Variants in CTDSPL observed in about 807,000 individuals in gnomAD.
CTDSPL encodes the protein CTD small phosphatase-like protein.
Under a neutral mutation model 30.5 loss-of-function variants are expected in CTDSPL, and 8 were observed. The observed-to-expected ratio is 0.26, with a 90% confidence interval of 0.15 to 0.47. The LOEUF (loss-of-function observed/expected upper bound fraction) is 0.47. Ranked by LOEUF, CTDSPL falls within the 20% of genes least tolerant of loss-of-function variation. CTDSPL has a pLI of 0.99. For missense variants in CTDSPL, 248 were observed against 366.1 expected (o/e 0.68, Z 2.63); for synonymous variants, 110 against 137.9 (o/e 0.80, Z 1.42).
In CTDSPL at chr3:37,982,265, G is replaced by A; in HGVS notation, c.*1398G>A. 1 of 329,880 alleles carries A rather than the reference G, an allele frequency of 3.0e-6. No individual in the cohort carries two copies. The highest frequency in any genetic ancestry group is 4.2e-5 in the Admixed American group (1 of 23,656). The allele number at this position is 329,880 out of a possible 1,614,324, so 20.4% of individuals were successfully genotyped here. A position where few individuals can be genotyped will look rare whatever the true frequency, so the allele number is the denominator to read the frequency against. On this transcript the variant is annotated 3_prime_UTR_variant, in exon 8 of 8. Coordinates refer to ENST00000273179, the MANE Select transcript of CTDSPL (RefSeq NM_001008392.2). ...AAGGGTTGGGGAAGCCTGTCTAGATGTGGGACTCATTGCCCCAAACCAGGG... is the reference window on the plus strand; with the variant it reads ...AAGGGTTGGGGAAGCCTGTCTAGATATGGGACTCATTGCCCCAAACCAGGG...
At chr3:37,900,856 T>C (rs1401857109) in intron 1 of CTDSPL, among the ~76,000 whole-genome samples, 6 of 152,198 alleles carry the variant, frequency 3.9e-5, no homozygotes, top group Admixed American at 3.9e-4. Flanking sequence ...TGGAGTGCAG[T>C]GGCACAATCT....
Position 37,927,634 on chromosome 3 carries a change from A to ATGTGTGTG in CTDSPL, c.80-19422_80-19421insGTGTGTGT, listed in dbSNP as rs1431482375. 6.4e-5 allele frequency among the ~76,000 whole-genome samples: 5 copies of ATGTGTGTG among 78,432 alleles called. No homozygotes were observed. The South Asian group carries it at 1.4e-3, about 21-fold the overall frequency. 51.5% of individuals were successfully genotyped at this position (78,432 alleles called of 152,430 possible). A position where few individuals can be genotyped will look rare whatever the true frequency, so the allele number is the denominator to read the frequency against. On this transcript the variant is annotated intron_variant, in intron 1 of 7. Transcript: ENST00000273179. The stretch of plus-strand genomic sequence containing the variant: ...GTTTAATTGTGGTTAAAAGAAAAAT[A>ATGTGTGTG]TATGTGTGTGTGTGTGTGTGTGTGT...
At chr3:37,977,713 C>A (rs1417085167) in intron 7 of CTDSPL, among the ~76,000 whole-genome samples, 4 of 150,860 alleles carry the variant, frequency 2.7e-5, no homozygotes, top group African/African-American at 7.4e-5. Flanking sequence ...CATGGCAAGA[C>A]CCCATCTCTT....
At chr3:37,883,348 T>C (rs999870716) in intron 1 of CTDSPL, among the ~76,000 whole-genome samples, 2 of 152,192 alleles carry the variant, frequency 1.3e-5, no homozygotes, top group Admixed American at 6.5e-5. Flanking sequence ...AGTGTAGGAA[T>C]TTTTAACCTG....
chr3:37,967,782 T>C, intron 4 of CTDSPL, 44 bp from the exon 5 acceptor site: 5 of 1,422,290 alleles, frequency 3.5e-6, no homozygotes, highest in Non-Finnish European at 4.8e-6. Flanking sequence ...CCAGAGTTTT[T>C]TTGTTCCTTC....
chr3:37,967,906 A>C, intron 5 of CTDSPL, 24 bp downstream of exon 5: 1 of 1,532,622 alleles, frequency 6.5e-7, no homozygotes, highest in Non-Finnish European at 8.8e-7. Context: ...GCTAAATTTG[A>C]GTTTCAATTA....
chr3:37,879,821 ATACCTT>A (rs1698181058), intron 1 of CTDSPL, among the ~76,000 whole-genome samples: 1 of 152,202 alleles, frequency 6.6e-6, no homozygotes, highest in South Asian at 2.1e-4. Context: ...ATGGTAGTGA[ATACCTT>A]ATAGGGTTAA....
chr3:37,942,298 C>T (rs1199435117), intron 1 of CTDSPL, among the ~76,000 whole-genome samples: 1 of 150,482 alleles, frequency 6.6e-6, no homozygotes, highest in Non-Finnish European at 1.5e-5. Flanking sequence ...CTGGAGAACC[C>T]TCACTCATTT....
rs1165962055 is a variant in CTDSPL at position 37,862,004 on chromosome 3, CCAG to C, written c.-194_-192del. 6.8e-6 allele frequency: 1 copy of C among 146,060 alleles called. No individual in the cohort carries two copies. Among genetic ancestry groups the C allele is most frequent in the East Asian group, 2.1e-4 (1 of 4,842 alleles). The allele number at this position is 146,060 out of a possible 1,614,324, so 9.0% of individuals were successfully genotyped here. ...GTGACGAGGCGGCGGCCGCTCGAGC[CCAG>C]CGGCGGCGGCGGCGGGAGCTGGGGC... On this transcript the variant is annotated 5_prime_UTR_variant, in exon 1 of 8. Coordinates refer to ENST00000273179, the MANE Select transcript of CTDSPL (RefSeq NM_001008392.2). This position sits in a 1 kb window ranked among gnomAD's most constrained non-coding sequence, Gnocchi z 4.3.
At chr3:37,885,487 C>T (rs1399258385) in intron 1 of CTDSPL, among the ~76,000 whole-genome samples, 3 of 152,112 alleles carry the variant, frequency 2.0e-5, no homozygotes, top group African/African-American at 4.8e-5. Flanking sequence ...AAGTTGACTC[C>T]TCAGGGAAGG....
chr3:37,871,720 T>A (rs1698073215), intron 1 of CTDSPL, among the ~76,000 whole-genome samples: 1 of 152,216 alleles, frequency 6.6e-6, no homozygotes, highest in Admixed American at 6.5e-5. Context: ...GCTCTTTCTC[T>A]TCTCCTTCTG....
At chr3:37,908,636 C>A (rs1046999471) in intron 1 of CTDSPL, among the ~76,000 whole-genome samples, 3 of 152,140 alleles carry the variant, frequency 2.0e-5, no homozygotes, top group African/African-American at 7.2e-5. Context: ...TTAAATTAAT[C>A]CCTGACGATA....
intron 7 of CTDSPL, among the ~76,000 whole-genome samples, chr3:37,980,513 C>T (rs975173662): frequency 1.3e-5 from 2 of 152,222 alleles, no homozygotes; most frequent in Admixed American, 6.5e-5. Flanking sequence ...GGCAAATGCA[C>T]ACAAACTGGG....
chr3:37,966,209 A>G (rs1575321330), intron 4 of CTDSPL, among the ~76,000 whole-genome samples: 1 of 152,204 alleles, frequency 6.6e-6, no homozygotes, highest in Non-Finnish European at 1.5e-5. Flanking sequence ...TGATGCCACA[A>G]GCTAATGTGA....
rs1352505821 is a variant in CTDSPL at position 37,983,342 on chromosome 3, A to G, written c.*2475A>G. ...ATTTTTAATCATCTACATGTAAATGAAGCAATAGAATTCTAACATAAGGCC... is the reference window on the plus strand; with the variant it reads ...ATTTTTAATCATCTACATGTAAATGGAGCAATAGAATTCTAACATAAGGCC... On this transcript the variant is annotated 3_prime_UTR_variant, in exon 8 of 8. Transcript: ENST00000273179. 1 of 152,636 alleles carries G rather than the reference A, an allele frequency of 6.6e-6. No individual in the cohort carries two copies. Among genetic ancestry groups the G allele is most frequent in the Non-Finnish European group, 1.5e-5 (1 of 68,040 alleles). The allele number at this position is 152,636 out of a possible 1,614,324, so 9.5% of individuals were successfully genotyped here. A position where few individuals can be genotyped will look rare whatever the true frequency, so the allele number is the denominator to read the frequency against.
intron 1 of CTDSPL, among the ~76,000 whole-genome samples, chr3:37,863,716 G>A (rs1179205870): frequency 6.6e-6 from 1 of 152,214 alleles, no homozygotes; most frequent in Non-Finnish European, 1.5e-5. Flanking sequence ...GTGGGAGTGA[G>A]GGGAATATTC....
rs970043530 is a variant in CTDSPL, at chr3:37,862,764, T to C, written c.79+486T>C. Among the ~76,000 whole-genome samples the C allele has an allele frequency of 6.6e-6, 1 of 152,118 alleles. No individual in the cohort carries two copies. Among genetic ancestry groups the C allele is most frequent in the Non-Finnish European group, 1.5e-5 (1 of 68,018 alleles). On this transcript the variant is annotated intron_variant, in intron 1 of 7. Coordinates refer to ENST00000273179, the MANE Select transcript of CTDSPL (RefSeq NM_001008392.2). The surrounding 1 kb of genome is among the most constrained non-coding windows in gnomAD (Gnocchi z 4.3). ...AGTTTGTGTTGTGTGTATTAGAGGTTTGTATGGGCCTGACTGAGGGGTTGT... is the reference window on the plus strand; with the variant it reads ...AGTTTGTGTTGTGTGTATTAGAGGTCTGTATGGGCCTGACTGAGGGGTTGT...
At chr3:37,912,157 T>C (rs1386324316) in intron 1 of CTDSPL, among the ~76,000 whole-genome samples, 2 of 152,104 alleles carry the variant, frequency 1.3e-5, no homozygotes, top group East Asian at 3.9e-4. Context: ...TTGGAGGGAG[T>C]GAGGGGACCT....
At chr3:37,958,896 C>T (rs978851609) in intron 3 of CTDSPL, among the ~76,000 whole-genome samples, 1 of 152,178 alleles carries the variant, frequency 6.6e-6, no homozygotes, top group Non-Finnish European at 1.5e-5. Context: ...AGGACTGATC[C>T]CAGTCCATCC....
Sources: gnomAD v4.1 joint callset for allele counts (sites outside exome capture counted in the v4.1 genomes callset) on GRCh38, gnomAD v4.1.1 for gene constraint, Gnocchi (gnomAD v3.1) non-coding constraint, MANE v1.5 for transcripts, NCBI Gene and HGNC (gene_info 2026-07-23, HGNC 2026-07-21) for gene names.